The following THAP4 variants were observed in gnomAD, a reference collection of about 807,000 sequenced individuals.
The protein encoded by THAP4 is THAP domain containing 4.
A neutral mutation model predicts 48.1 loss-of-function variants in THAP4; 18 were observed. The ratio of observed to expected loss-of-function variants is 0.37; its 90% CI spans 0.26 to 0.56. The LOEUF (loss-of-function observed/expected upper bound fraction) is 0.56. THAP4 is among the 20% of genes least tolerant of loss of function. The pLI is 0.78. For synonymous variants in THAP4, 345 were observed against 324.9 expected (o/e 1.06, Z -0.66); for missense variants, 656 against 774.9 (o/e 0.85, Z 1.82).
chr2:241,619,044 G>C (rs2067379648), intron 2 of THAP4, among the ~76,000 whole-genome samples: 1 of 152,200 alleles, frequency 6.6e-6, no homozygotes, highest in Admixed American at 6.5e-5. Context: ...CACGTGTGAA[G>C]GTCACGGCTC....
Position 241,606,313 on chromosome 2 carries a change from C to G in THAP4, c.1400+1G>C, listed in dbSNP as rs971735957. On this transcript the variant is annotated splice_donor_variant, in intron 3 of 5. Transcript: ENST00000407315. LOFTEE classifies it high-confidence loss of function. ...GGGTGGGGTGGAGGGAGACAACTTA[C>G]GAGAAGTTCAGCATGGGCTGGCCCA... 1 of 1,550,588 alleles carries G rather than the reference C, an allele frequency of 6.4e-7. No homozygotes were observed. Among genetic ancestry groups the G allele is most frequent in the Non-Finnish European group, 8.7e-7 (1 of 1,145,670 alleles).
chr2:241,601,079 G>A lies in THAP4; in HGVS notation c.1614+817C>T, dbSNP rs1466069585. Among the ~76,000 whole-genome samples, 1 of 152,060 alleles carries A rather than the reference G, an allele frequency of 6.6e-6. No homozygotes were observed. The highest frequency in any genetic ancestry group is 1.5e-5 in the Non-Finnish European group (1 of 68,024). ...GGATCACCTGAAGTCAGGAATTCAA[G>A]ACCAGCCTGACCAACATGGAGAAAC... is the stretch of plus-strand genomic sequence containing the variant. On this transcript the variant is annotated intron_variant, in intron 5 of 5. Transcript: ENST00000407315. The surrounding 1 kb of genome is among the most constrained non-coding windows in gnomAD (Gnocchi z 4.0).
intron 5 of THAP4, among the ~76,000 whole-genome samples, chr2:241,591,310 C>T (rs570533459): frequency 1.3e-5 from 2 of 152,196 alleles, no homozygotes; most frequent in East Asian, 1.9e-4. Flanking sequence ...GAGAGGGCAG[C>T]GGGGGTTGCC....
At chr2:241,631,617 C>T (rs1002588414) in intron 2 of THAP4, among the ~76,000 whole-genome samples, 4 of 152,096 alleles carry the variant, frequency 2.6e-5, no homozygotes, top group Admixed American at 6.6e-5. Flanking sequence ...AGGCGTGCAC[C>T]ATGGTACTCG....
intron 2 of THAP4, among the ~76,000 whole-genome samples, chr2:241,626,237 T>A (rs554263435): frequency 1.3e-5 from 2 of 152,056 alleles, no homozygotes; most frequent in East Asian, 3.9e-4. Flanking sequence ...GGTCAGGAGA[T>A]CGAGACCAGC....
chr2:241,587,456 T>C lies in THAP4; in HGVS notation c.1615-2731A>G, dbSNP rs550583326. 2.0e-5 allele frequency among the ~76,000 whole-genome samples: 3 copies of C among 152,308 alleles called. No individual in the cohort carries two copies. The South Asian group carries it at 6.2e-4, about 32-fold the overall frequency. ...TTCCCTGGTTCTGAAGCCTTTGGACTTGGACTGAGCCATGACACTGGCATC... is the reference window on the plus strand; with the variant it reads ...TTCCCTGGTTCTGAAGCCTTTGGACCTGGACTGAGCCATGACACTGGCATC... On this transcript the variant is annotated intron_variant, in intron 5 of 5. Coordinates refer to ENST00000407315, the MANE Select transcript of THAP4 (RefSeq NM_015963.6).
In THAP4 at chr2:241,632,942, T is replaced by A; in HGVS notation, c.1215A>T (p.Pro405=). 2 of 1,607,244 alleles carry A rather than the reference T, an allele frequency of 1.2e-6. No homozygotes were observed. The highest frequency in any genetic ancestry group is 1.7e-6 in the Non-Finnish European group (2 of 1,176,516). ...CGCGGCTGGGCGACAGCAGGCTACT[T>A]GGATAGGGGACGCTCACTCTCCTCA... ...DELRRVSVPY[P]SSLLSPSREP... Residue 405 remains proline (P), a synonymous_variant, in exon 2 of 6, where the codon CCA becomes CCT. Coordinates refer to ENST00000407315, the MANE Select transcript of THAP4 (RefSeq NM_015963.6).
At position 241,633,596 on chromosome 2, in the gene THAP4, C is replaced by A. The variant is rs199913698; in HGVS notation, c.561G>T (p.Gln187His). ...CTGTGGCAGACGCTTCTGCTTTTCCCTGACTGCCTGCCACCATGGTGGCCA... is the reference window on the plus strand; with the variant it reads ...CTGTGGCAGACGCTTCTGCTTTTCCATGACTGCCTGCCACCATGGTGGCCA... ...DGLATMVAGS[Q>H]GKAEASATDA... The change falls in exon 2 of 6, where the codon CAG becomes CAT. Residue 187 changes from glutamine to histidine, a missense_variant. By Grantham distance (24) the Gln-to-His change is conservative (BLOSUM62 0). Coordinates refer to ENST00000407315, the MANE Select transcript of THAP4 (RefSeq NM_015963.6). This position sits in a 1 kb window ranked among gnomAD's most constrained non-coding sequence, Gnocchi z 7.5. 2 of 1,613,466 alleles carry A rather than the reference C, an allele frequency of 1.2e-6. No individual in the cohort carries two copies. Among genetic ancestry groups the A allele is most frequent in the Admixed American group, 3.3e-5 (2 of 59,996 alleles).
chr2:241,622,090 G>A (rs1355190151), intron 2 of THAP4, among the ~76,000 whole-genome samples: 7 of 152,032 alleles, frequency 4.6e-5, no homozygotes, highest in African/African-American at 4.8e-5. Flanking sequence ...ACTTATTTAC[G>A]CGGGCGCGGT....
rs751745439 is a variant in THAP4 at position 241,633,654 on chromosome 2, T to A, written c.503A>T (p.Gln168Leu). The stretch of plus-strand genomic sequence containing the variant: ...TCCTGGAGTCCGTTCCAGAGCTTGC[T>A]GGGCCTGCTCCTGGCTGGCGGCCTC... ...AQEAASQEQA[Q>L]QALERTPGDG... Residue 168 changes from glutamine (Q) to leucine (L), a missense_variant, in exon 2 of 6, where the codon CAG becomes CTG. By Grantham distance (113) the Gln-to-Leu change is moderately radical. Transcript: ENST00000407315. The surrounding 1 kb of genome is among the most constrained non-coding windows in gnomAD (Gnocchi z 7.5). 7 of 1,612,550 alleles carry A rather than the reference T, an allele frequency of 4.3e-6. No homozygotes were observed. In the Middle Eastern group the frequency reaches 6.6e-4, roughly 152 times the overall value.
chr2:241,611,900 A>G (rs1294496722), intron 2 of THAP4, among the ~76,000 whole-genome samples: 1 of 151,720 alleles, frequency 6.6e-6, no homozygotes, highest in Admixed American at 6.6e-5. Flanking sequence ...CAAAATGTTG[A>G]TGGGGCAAAG....
intron 2 of THAP4, among the ~76,000 whole-genome samples, chr2:241,618,314 G>C (rs924221434): frequency 6.6e-6 from 1 of 152,160 alleles, no homozygotes; most frequent in African/African-American, 2.4e-5. Context: ...ATATAAAAAG[G>C]CCATAAAGTG....
At chr2:241,607,307 G>A (rs1367895544) in intron 2 of THAP4, among the ~76,000 whole-genome samples, 1 of 152,060 alleles carries the variant, frequency 6.6e-6, no homozygotes, top group African/African-American at 2.4e-5. Flanking sequence ...GCTCAGCAAG[G>A]ACTGGGTGCT....
At chr2:241,587,088 T>C (rs1162909252) in intron 5 of THAP4, among the ~76,000 whole-genome samples, 2 of 152,036 alleles carry the variant, frequency 1.3e-5, no homozygotes, top group African/African-American at 4.8e-5. Context: ...TAATTTTAGG[T>C]GTCAAAGGTC....
At position 241,633,144 on chromosome 2, in the gene THAP4, G is replaced by A; in HGVS notation, c.1013C>T (p.Ala338Val). The change falls in exon 2 of 6, where the codon GCC becomes GTC. Residue 338 changes from alanine (A) to valine (V), a missense_variant. Around this residue, in one of 4 missense-constraint regions of THAP4, gnomAD observed 391 missense variants for 412.4 expected, o/e 0.95. Coordinates refer to ENST00000407315, the MANE Select transcript of THAP4 (RefSeq NM_015963.6). This position sits in a 1 kb window ranked among gnomAD's most constrained non-coding sequence, Gnocchi z 7.5. ...INEVILSASG[A>V]CKLIDSLHSY... ...GTGCAGTGAGTCGATGAGCTTGCAG[G>A]CCCCTGACGCCGACAGGATGACCTC... is the stretch of plus-strand genomic sequence containing the variant. The A allele has an allele frequency of 6.2e-7, 1 of 1,610,316 alleles. No individual in the cohort carries two copies. Among genetic ancestry groups the A allele is most frequent in the Non-Finnish European group, 8.5e-7 (1 of 1,177,784 alleles).
intron 2 of THAP4, among the ~76,000 whole-genome samples, chr2:241,625,538 T>C (rs1406691712): frequency 6.8e-6 from 1 of 146,412 alleles, no homozygotes; most frequent in Non-Finnish European, 1.5e-5. Flanking sequence ...GGATCACGCC[T>C]GTAATCCCAG....
chr2:241,617,674 AC>A (rs1388631691), intron 2 of THAP4, among the ~76,000 whole-genome samples: 1 of 152,116 alleles, frequency 6.6e-6, no homozygotes, highest in Non-Finnish European at 1.5e-5. Context: ...TGAAAGAGGG[AC>A]TGGCCAGAGG....
rs1459104738 is a variant in THAP4 at position 241,637,032 on chromosome 2, C to T, written c.-15G>A. 14 of 1,245,816 alleles carry T rather than the reference C, an allele frequency of 1.1e-5. No individual in the cohort carries two copies. The highest frequency in any genetic ancestry group is 1.4e-5 in the Non-Finnish European group (14 of 970,316). 77.2% of individuals were successfully genotyped at this position (1,245,816 alleles called of 1,614,324 possible). A position where few individuals can be genotyped will look rare whatever the true frequency, so the allele number is the denominator to read the frequency against. On this transcript the variant is annotated 5_prime_UTR_variant, in exon 1 of 6. Transcript: ENST00000407315. ...CAGATCACCATCGCGGGCCTTGGCCCAGCCGCGCAGCCAGGCCCCGGCCCT... is the reference window on the plus strand; with the variant it reads ...CAGATCACCATCGCGGGCCTTGGCCTAGCCGCGCAGCCAGGCCCCGGCCCT...
chr2:241,598,896 G>T (rs1336819340), intron 5 of THAP4, among the ~76,000 whole-genome samples: 1 of 151,026 alleles, frequency 6.6e-6, no homozygotes, highest in Non-Finnish European at 1.5e-5. Context: ...GAAAAAGACT[G>T]CCTTTACCAA....
Sources: allele counts gnomAD v4.1 joint callset (sites outside exome capture counted in the v4.1 genomes callset), GRCh38; gene constraint gnomAD v4.1.1; regional missense constraint gnomAD v4.1.1; non-coding constraint Gnocchi (gnomAD v3.1); transcripts MANE v1.5; gene names NCBI Gene and HGNC (gene_info 2026-07-23, HGNC 2026-07-21).